Variants in SETBP1 observed in about 807,000 individuals in gnomAD.
The protein encoded by SETBP1 is SET binding protein 1, also known as SET-binding protein.
A neutral mutation model predicts 101.0 loss-of-function variants in SETBP1; 9 were observed. That is an observed-to-expected ratio of 0.09 (90% CI 0.05 to 0.16). The LOEUF (loss-of-function observed/expected upper bound fraction) is 0.16. Ranked by LOEUF, SETBP1 falls within the 10% of genes least tolerant of loss-of-function variation. SETBP1 has a pLI of 1.00. For missense variants in SETBP1, 1,858 were observed against 2,033.8 expected, an observed-to-expected ratio of 0.91 and a Z score of 1.66; for synonymous variants, 818 against 788.5, an observed-to-expected ratio of 1.04 and a Z score of -0.63.
chr18:44,840,684 A>G (rs113468570), intron 2 of SETBP1, among the ~76,000 whole-genome samples: 2 of 152,350 alleles, frequency 1.3e-5, no homozygotes, highest in African/African-American at 4.8e-5. Flanking sequence ...TCCAACTCTC[A>G]CGTTCCCAGT....
intron 4 of SETBP1, among the ~76,000 whole-genome samples, chr18:45,034,685 TA>T (rs1349251607): frequency 2.6e-5 from 4 of 152,304 alleles, no homozygotes; most frequent in African/African-American, 9.6e-5. Flanking sequence ...TTTTCCTCTT[TA>T]AAAACTTACT....
chr18:45,052,717 T>A (rs1054356798), intron 5 of SETBP1, among the ~76,000 whole-genome samples: 2 of 152,316 alleles, frequency 1.3e-5, no homozygotes, highest in Admixed American at 1.3e-4. Context: ...GCTTGTTGTT[T>A]TTAGGGAGAA....
intron 2 of SETBP1, among the ~76,000 whole-genome samples, chr18:44,801,918 C>A (rs1336012819): frequency 6.6e-6 from 1 of 152,004 alleles, no homozygotes; most frequent in Non-Finnish European, 1.5e-5. Flanking sequence ...AACCATCTGG[C>A]CACTGGAAAT....
rs1251634238 is a variant in SETBP1 at position 44,781,359 on chromosome 18, CTGATTGGCATAACTCCCACCA to C, written c.486+79532_486+79552del. On this transcript the variant is annotated intron_variant, in intron 2 of 5. Coordinates refer to ENST00000649279, the MANE Select transcript of SETBP1 (RefSeq NM_015559.3). ...CAGGGAAGATTTCACACATGGTATT[CTGATTGGCATAACTCCCACCA>C]TGATATTTTTTAATGTAACCTCTTA... 4.3e-4 allele frequency among the ~76,000 whole-genome samples: 65 copies of C among 152,204 alleles called. 1 individual carries two copies. Among genetic ancestry groups the C allele is most frequent in the African/African-American group, 1.5e-3 (62 of 41,524 alleles).
In SETBP1 at chr18:45,066,270, G is replaced by A. The variant is rs1599516185; in HGVS notation, c.*2572G>A. 2 of 152,286 alleles carry A rather than the reference G, an allele frequency of 1.3e-5. No homozygotes were observed. The highest frequency in any genetic ancestry group is 4.1e-4 in the South Asian group (2 of 4,830). 9.4% of individuals were successfully genotyped at this position (152,286 alleles called of 1,614,324 possible). A position where few individuals can be genotyped will look rare whatever the true frequency, so the allele number is the denominator to read the frequency against. ...TACACGTGAATTCTGGTCTATAGTG[G>A]TCATGTGAGTTAAATTCGAATCCTC... On this transcript the variant is annotated 3_prime_UTR_variant, in exon 6 of 6. Coordinates refer to ENST00000649279, the MANE Select transcript of SETBP1 (RefSeq NM_015559.3).
At chr18:44,869,202 CT>C (rs1226839680) in intron 2 of SETBP1, 27 bp from the exon 3 acceptor site, 16 of 1,611,574 alleles carry the variant, frequency 9.9e-6, no homozygotes, top group Non-Finnish European at 1.4e-5. Flanking sequence ...AAAAGTGTCA[CT>C]GAGAAAATTT....
chr18:44,894,202 G>A (rs747836518), intron 3 of SETBP1, among the ~76,000 whole-genome samples: 36 of 152,058 alleles, frequency 2.4e-4, no homozygotes, highest in Non-Finnish European at 4.0e-4. Context: ...CAAGTTGTTC[G>A]CCAGAACCAG....
intron 1 of SETBP1, among the ~76,000 whole-genome samples, chr18:44,685,452 A>G (rs1392628087): frequency 6.6e-6 from 1 of 152,186 alleles, no homozygotes. Flanking sequence ...CTGAAATGAC[A>G]CAAGTTGGTG....
At chr18:44,724,490 T>C (rs1358538144) in intron 2 of SETBP1, among the ~76,000 whole-genome samples, 1 of 152,206 alleles carries the variant, frequency 6.6e-6, no homozygotes, top group African/African-American at 2.4e-5. Context: ...GGAGTCTGTT[T>C]ACAGATTGTC....
intron 2 of SETBP1, among the ~76,000 whole-genome samples, chr18:44,713,237 G>A (rs1028917350): frequency 1.3e-4 from 19 of 151,978 alleles, no homozygotes; most frequent in African/African-American, 4.4e-4. Flanking sequence ...GATTACATGT[G>A]TGAGCCACCG....
intron 4 of SETBP1, among the ~76,000 whole-genome samples, chr18:44,967,473 C>T (rs2145176968): frequency 6.6e-6 from 1 of 152,308 alleles, no homozygotes; most frequent in African/African-American, 2.4e-5. Flanking sequence ...ACAGATTTAG[C>T]AGTTTAAAAC....
chr18:44,757,221 C>T (rs552096692), intron 2 of SETBP1, among the ~76,000 whole-genome samples: 1 of 152,226 alleles, frequency 6.6e-6, no homozygotes, highest in East Asian at 1.9e-4. Flanking sequence ...TCCCCCTCTG[C>T]CCTGAATTTG....
At chr18:44,887,645 G>A (rs1335456994) in intron 3 of SETBP1, among the ~76,000 whole-genome samples, 1 of 152,152 alleles carries the variant, frequency 6.6e-6, no homozygotes, top group African/African-American at 2.4e-5. Flanking sequence ...CAGGCCAAGG[G>A]CCACAGAATA....
At chr18:45,020,529 C>G (rs2073039038) in intron 4 of SETBP1, among the ~76,000 whole-genome samples, 1 of 152,176 alleles carries the variant, frequency 6.6e-6, no homozygotes, top group Non-Finnish European at 1.5e-5. Flanking sequence ...CTCAGATCTT[C>G]CCTTAAGGTG....
At chr18:44,982,405 T>G (rs1361388816) in intron 4 of SETBP1, among the ~76,000 whole-genome samples, 1 of 152,252 alleles carries the variant, frequency 6.6e-6, no homozygotes, top group East Asian at 1.9e-4. Context: ...TGGATGATTC[T>G]GTGATTATTA....
At chr18:45,051,660 T>C (rs1354548679) in intron 5 of SETBP1, among the ~76,000 whole-genome samples, 1 of 152,186 alleles carries the variant, frequency 6.6e-6, no homozygotes, top group African/African-American at 2.4e-5. Context: ...TGTGCATGTG[T>C]TCCTTTTCCA....
At chr18:44,845,657 A>G (rs976825174) in intron 2 of SETBP1, among the ~76,000 whole-genome samples, 1 of 152,228 alleles carries the variant, frequency 6.6e-6, no homozygotes, top group Non-Finnish European at 1.5e-5. Context: ...TCTGCCCTGC[A>G]GCTCAGGCCT....
intron 3 of SETBP1, among the ~76,000 whole-genome samples, chr18:44,945,146 G>A (rs1401871511): frequency 2.0e-5 from 3 of 151,826 alleles, no homozygotes; most frequent in Non-Finnish European, 2.9e-5. Flanking sequence ...CTATCCCTCC[G>A]CTCCCCGCCC....
At chr18:44,833,222 C>T (rs1393614479) in intron 2 of SETBP1, among the ~76,000 whole-genome samples, 3 of 152,214 alleles carry the variant, frequency 2.0e-5, no homozygotes, top group Non-Finnish European at 4.4e-5. Context: ...GGAGGTGGGG[C>T]TCAGCCCTCC....
Sources: gnomAD v4.1 joint callset for allele counts (sites outside exome capture counted in the v4.1 genomes callset) on GRCh38, gnomAD v4.1.1 for gene constraint, MANE v1.5 for transcripts, NCBI Gene and HGNC (gene_info 2026-07-23, HGNC 2026-07-21) for gene names.